GALNT5: variants seen among roughly 807,000 people sequenced by gnomAD.
GALNT5 encodes UDP-GalNAc:polypeptide N-acetylgalactosaminyltransferase 5.
GALNT5 carries 72 observed loss-of-function variants against 85.4 expected under a neutral mutation model. The ratio of observed to expected loss-of-function variants is 0.84; its 90% CI spans 0.70 to 1.03. The LOEUF (loss-of-function observed/expected upper bound fraction) is 1.03. GALNT5 is among the 50% of genes least tolerant of loss of function. GALNT5 has a pLI of 0.00. For missense variants in GALNT5, 1,137 were observed against 1,135.5 expected (o/e 1.00, Z -0.02); for synonymous variants, 404 against 397.0 (o/e 1.02, Z -0.21).
chr2:157,278,142 T>C (rs759314784), intron 1 of GALNT5, among the ~76,000 whole-genome samples: 4 of 152,226 alleles, frequency 2.6e-5, no homozygotes, highest in Non-Finnish European at 5.9e-5. Context: ...GAATGTTGAA[T>C]TTTGGCCCTC....
At chr2:157,281,187 C>G (rs1416036829) in intron 1 of GALNT5, among the ~76,000 whole-genome samples, 2 of 152,180 alleles carry the variant, frequency 1.3e-5, no homozygotes, top group African/African-American at 4.8e-5. Flanking sequence ...GCCTCAGCCT[C>G]CCAAGTAGCT....
chr2:157,268,361 T>C (rs1002452702), intron 1 of GALNT5, among the ~76,000 whole-genome samples: 1 of 152,172 alleles, frequency 6.6e-6, no homozygotes, highest in Non-Finnish European at 1.5e-5. Context: ...GGTTGAGCAC[T>C]TGATAGATTC....
rs373083994 is a variant in GALNT5, at chr2:157,291,705, T to C, written c.1742-3958T>C. 3.0e-4 allele frequency among the ~76,000 whole-genome samples: 43 copies of C among 144,640 alleles called. No individual in the cohort carries two copies. In the South Asian group the frequency reaches 8.7e-3, roughly 29 times the overall value. 94.9% of individuals were successfully genotyped at this position (144,640 alleles called of 152,430 possible). A position where few individuals can be genotyped will look rare whatever the true frequency, so the allele number is the denominator to read the frequency against. ...ATCCAGTATTATTGGGACCTATCCT[T>C]AGAAAACAGAAAATCCTAACAGGTA... On this transcript the variant is annotated intron_variant, in intron 3 of 9. Transcript: ENST00000259056.
chr2:157,282,660 A>G (rs1016495896), intron 1 of GALNT5, among the ~76,000 whole-genome samples: 1 of 152,228 alleles, frequency 6.6e-6, no homozygotes, highest in Non-Finnish European at 1.5e-5. Flanking sequence ...TCAAAGAAGT[A>G]GTAAAGCTGT....
At position 157,284,323 on chromosome 2, in the gene GALNT5, G is replaced by A; in HGVS notation, c.1496G>A (p.Ser499Asn). ...GTTCACAATAACCTCCCAACCACCAGTGTCATCATGTGCTTTGTGGATGAA... is the reference window on the plus strand; with the variant it reads ...GTTCACAATAACCTCCCAACCACCAATGTCATCATGTGCTTTGTGGATGAA... ...QLVHNNLPTT[S>N]VIMCFVDEVW... The change falls in exon 2 of 10, where the codon AGT (serine) becomes AAT (asparagine). Residue 499 changes from serine to asparagine, a missense_variant. Transcript: ENST00000259056. 2.5e-6 allele frequency: 4 copies of A among 1,613,964 alleles called. No individual in the cohort carries two copies. The highest frequency in any genetic ancestry group is 2.2e-5 in the East Asian group (1 of 44,876).
At chr2:157,291,295 T>C (rs1399913977) in intron 3 of GALNT5, among the ~76,000 whole-genome samples, 1 of 152,182 alleles carries the variant, frequency 6.6e-6, no homozygotes, top group East Asian at 1.9e-4. Flanking sequence ...GCATTCTAAA[T>C]AATCACTTGG....
At chr2:157,283,403 G>A (rs1405918709) in intron 1 of GALNT5, among the ~76,000 whole-genome samples, 1 of 152,118 alleles carries the variant, frequency 6.6e-6, no homozygotes, top group African/African-American at 2.4e-5. Context: ...GTGAGGCAGT[G>A]TATTCTGCAG....
rs760650818 is a variant in GALNT5 at position 157,316,593 on chromosome 2, A to G, written c.*5245A>G. On this transcript the variant is annotated 3_prime_UTR_variant, in exon 10 of 10. Coordinates refer to ENST00000259056, the MANE Select transcript of GALNT5 (RefSeq NM_014568.3). ...TTGCATGGGTTACTCAATAGTTGCT[A>G]CAAGACAAAATGCCTTACAATTAGA... is the stretch of plus-strand genomic sequence containing the variant. Among the ~76,000 whole-genome samples the G allele has an allele frequency of 6.6e-6, 1 of 152,150 alleles. No homozygotes were observed. The highest frequency in any genetic ancestry group is 2.1e-4 in the South Asian group (1 of 4,830).
chr2:157,297,443 A>G (rs1338810718), intron 5 of GALNT5, among the ~76,000 whole-genome samples: 2 of 152,202 alleles, frequency 1.3e-5, no homozygotes, highest in Non-Finnish European at 2.9e-5. Flanking sequence ...TAAAAGCATT[A>G]AGTAATTTTC....
rs1006428145 is a variant in GALNT5 at position 157,317,391 on chromosome 2, A to G, written c.*6043A>G. ...TACCATTTTCCAAACTTGAAGGAGT[A>G]ATCAAGTTCTTAATTATCAGGGTGC... On this transcript the variant is annotated 3_prime_UTR_variant, in exon 10 of 10. Transcript: ENST00000259056. Among the ~76,000 whole-genome samples, 10 of 152,146 alleles carry G rather than the reference A, an allele frequency of 6.6e-5. No individual in the cohort carries two copies. The highest frequency in any genetic ancestry group is 3.4e-3 in the Middle Eastern group (1 of 294).
rs374329356 is a variant in GALNT5, at chr2:157,280,873, G to GTC, written c.1455-3405_1455-3404dup. On this transcript the variant is annotated intron_variant, in intron 1 of 9. Coordinates refer to ENST00000259056, the MANE Select transcript of GALNT5 (RefSeq NM_014568.3). ...AAAGTGTCAGAGACCTCACCTTACTGTCTCTTGCTTGCTCTGTCATGTAAC... is the reference window on the plus strand; with the variant it reads ...AAAGTGTCAGAGACCTCACCTTACTGTCTCTCTTGCTTGCTCTGTCATGTAAC... Among the ~76,000 whole-genome samples, 700 of 152,186 alleles carry GTC rather than the reference G, an allele frequency of 4.6e-3. 4 individuals are homozygous for GTC. Among genetic ancestry groups the GTC allele is most frequent in the African/African-American group, 0.016 (661 of 41,524 alleles).
chr2:157,292,987 C>G (rs1683132174), intron 3 of GALNT5, among the ~76,000 whole-genome samples: 1 of 152,196 alleles, frequency 6.6e-6, no homozygotes, highest in African/African-American at 2.4e-5. Flanking sequence ...TAGGCGTGAG[C>G]CACCACACCC....
In GALNT5 at chr2:157,312,144, A is replaced by G. The variant is rs946596873; in HGVS notation, c.*796A>G. 4.6e-5 allele frequency: 7 copies of G among 152,204 alleles called. No homozygotes were observed. The highest frequency in any genetic ancestry group is 7.3e-5 in the Non-Finnish European group (5 of 68,030). 9.4% of individuals were successfully genotyped at this position (152,204 alleles called of 1,614,324 possible). A position where few individuals can be genotyped will look rare whatever the true frequency, so the allele number is the denominator to read the frequency against. ...TAAGGCAATGAAAAAAGGCTGGATT[A>G]TAACACACTGTAGTAATCAAAAATG... is the stretch of plus-strand genomic sequence containing the variant. On this transcript the variant is annotated 3_prime_UTR_variant, in exon 10 of 10. Coordinates refer to ENST00000259056, the MANE Select transcript of GALNT5 (RefSeq NM_014568.3).
At chr2:157,300,207 G>C (rs1020565007) in intron 6 of GALNT5, among the ~76,000 whole-genome samples, 1 of 152,174 alleles carries the variant, frequency 6.6e-6, no homozygotes, top group Non-Finnish European at 1.5e-5. Flanking sequence ...AAAAGTAATT[G>C]CTTTCCTATT....
intron 1 of GALNT5, among the ~76,000 whole-genome samples, chr2:157,270,180 C>T (rs1682551427): frequency 6.6e-6 from 1 of 152,112 alleles, no homozygotes; most frequent in Non-Finnish European, 1.5e-5. Context: ...TACACCAGTC[C>T]CCTCAAACCT....
chr2:157,291,671 C>A (rs1683104759), intron 3 of GALNT5, among the ~76,000 whole-genome samples: 1 of 124,498 alleles, frequency 8.0e-6, no homozygotes, highest in Non-Finnish European at 1.6e-5. Flanking sequence ...TGAAACCCAT[C>A]TGTAAACAAT....
chr2:157,302,179 C>T (rs978668872), intron 7 of GALNT5: 6 of 152,168 alleles, frequency 3.9e-5, no homozygotes, highest in African/African-American at 1.4e-4. Flanking sequence ...CATTAGTTAT[C>T]CCGCCCTTTT....
At chr2:157,261,449 T>C (rs1421546949) in intron 1 of GALNT5, among the ~76,000 whole-genome samples, 2 of 151,992 alleles carry the variant, frequency 1.3e-5, no homozygotes, top group African/African-American at 4.8e-5. Flanking sequence ...CTGAAGGAGG[T>C]TGTCCCAACT....
chr2:157,278,343 T>C (rs902343801), intron 1 of GALNT5, among the ~76,000 whole-genome samples: 3 of 152,210 alleles, frequency 2.0e-5, no homozygotes, highest in Non-Finnish European at 4.4e-5. Flanking sequence ...GTGTTCTCTG[T>C]ATTTCCTGAA....
Sources: gnomAD v4.1 joint callset for allele counts (sites outside exome capture counted in the v4.1 genomes callset) on GRCh38, gnomAD v4.1.1 for gene constraint, MANE v1.5 for transcripts, NCBI Gene and HGNC (gene_info 2026-07-23, HGNC 2026-07-21) for gene names.